Variants in KIF13B observed in about 807,000 individuals in gnomAD.
KIF13B encodes kinesin-like protein KIF13B.
In KIF13B, 127 loss-of-function variants were observed where a neutral mutation model predicts 222.0. The ratio of observed to expected loss-of-function variants is 0.57; its 90% CI spans 0.50 to 0.66. The LOEUF (loss-of-function observed/expected upper bound fraction) is 0.66, where lower values mean the gene tolerates loss of function less well. KIF13B is among the 30% of genes least tolerant of loss of function. KIF13B has a pLI of 0.00. For missense variants in KIF13B, 2,173 were observed against 2,379.0 expected (o/e 0.91, Z 1.80); for synonymous variants, 976 against 919.0 (o/e 1.06, Z -1.12).
intron 35 of KIF13B, among the ~76,000 whole-genome samples, chr8:29,105,652 T>TG (rs1563704669): frequency 1.1e-5 from 1 of 92,580 alleles, no homozygotes; most frequent in African/African-American, 3.5e-5. Flanking sequence ...TTTGTTTGGT[T>TG]TTTTTTTTTT....
At chr8:29,116,772 A>G in intron 31 of KIF13B, 59 bp downstream of exon 31, 2 of 1,501,458 alleles carry the variant, frequency 1.3e-6, no homozygotes, top group Non-Finnish European at 1.8e-6. Context: ...CAAGCACTGC[A>G]CGGCCCTACC....
intron 35 of KIF13B, among the ~76,000 whole-genome samples, chr8:29,105,142 A>AT (rs898782383): frequency 3.3e-5 from 5 of 150,410 alleles, no homozygotes; most frequent in Admixed American, 6.6e-5. Flanking sequence ...AATTTTTTAA[A>AT]TTTTTTTTTG....
At chr8:29,124,222 G>A (rs1764984096) in intron 26 of KIF13B, 99 bp from the exon 27 acceptor site, 4 of 688,358 alleles carry the variant, frequency 5.8e-6, no homozygotes, top group Non-Finnish European at 9.9e-6. Flanking sequence ...CCTTGGAAAG[G>A]TAAGGTAGTA....
Position 29,188,540 on chromosome 8 carries a change from T to C in KIF13B, c.291A>G (p.Ala97=), listed in dbSNP as rs568211147. 20 of 1,610,262 alleles carry C rather than the reference T, an allele frequency of 1.2e-5. 1 individual carries two copies. The East Asian group carries it at 3.1e-4, about 25-fold the overall frequency. The change falls in exon 5 of 40, where the codon GCA becomes GCG. Residue 97 remains alanine (A), a synonymous_variant. Transcript: ENST00000524189. ...CAGTCTGTCCATAGGCAAAGATACA[T>C]GCATTGTAGCCATCAAAAGCATTCT... ...ILQNAFDGYN[A]CIFAYGQTGS...
In KIF13B at chr8:29,094,732, C is replaced by A. The variant is rs550185019; in HGVS notation, c.4325-1854G>T. ...ATGTCTAGATACTGGATTTAACAGA[C>A]AACGACTTTAAGGCAGCTTTCTTAA... is the stretch of plus-strand genomic sequence containing the variant. On this transcript the variant is annotated intron_variant, in intron 36 of 39. Coordinates refer to ENST00000524189, the MANE Select transcript of KIF13B (RefSeq NM_015254.4). Among the ~76,000 whole-genome samples the A allele has an allele frequency of 3.3e-5, 5 of 152,194 alleles. No individual in the cohort carries two copies. The East Asian group carries it at 9.6e-4, about 29-fold the overall frequency.
chr8:29,083,001 C>T (rs1338499914), intron 37 of KIF13B, among the ~76,000 whole-genome samples: 1 of 152,086 alleles, frequency 6.6e-6, no homozygotes, highest in South Asian at 2.1e-4. Flanking sequence ...TGGCGGTGTA[C>T]ACCTGTAGTC....
At position 29,132,371 on chromosome 8, in the gene KIF13B, CG is replaced by C. The variant is rs763036714; in HGVS notation, c.2878del (p.Arg960GlyfsTer26). On this transcript the variant is annotated frameshift_variant, in exon 23 of 40. Transcript: ENST00000524189. LOFTEE classifies it high-confidence loss of function. ...EVYGHKINDPRKNPALWDLGI... is the reference protein window; with the variant it reads ...EVYGHKINDPXKNPALWDLGI... The stretch of plus-strand genomic sequence containing the variant: ...CAAATCCCACAGGGCGGGGTTTTTC[CG>C]GGGATCGTTTATTTTATGTCCATAT... The C allele has an allele frequency of 5.0e-6, 8 of 1,592,360 alleles. No homozygotes were observed. Among genetic ancestry groups the C allele is most frequent in the Non-Finnish European group, 6.0e-6 (7 of 1,168,450 alleles).
intron 10 of KIF13B, among the ~76,000 whole-genome samples, chr8:29,173,633 ACTT>A (rs889309359): frequency 2.7e-5 from 4 of 150,768 alleles, no homozygotes; most frequent in Admixed American, 1.3e-4. Context: ...AAAAAAAAAG[ACTT>A]CTTCTATTAA....
intron 6 of KIF13B, among the ~76,000 whole-genome samples, chr8:29,183,172 T>G (rs934980699): frequency 4.8e-5 from 7 of 146,470 alleles, no homozygotes; most frequent in South Asian, 2.1e-4. Context: ...AAGTTTGTTT[T>G]TTTTTTTTTT....
Position 29,071,925 on chromosome 8 carries a change from T to C in KIF13B, c.4913A>G (p.Glu1638Gly). ...GAACGGGGAGCCGGGCGCCGGGGCC[T>C]CGAGGTCGGGGCGCTCCCGACCGGG... ...VSPGRERPDL[E>G]APAPGSPFRV... The change falls in exon 39 of 40, where the codon GAG becomes GGG. Residue 1638 changes from glutamate (E) to glycine (G), a missense_variant. Physicochemically the swap from Glu to Gly is moderately conservative, Grantham distance 98. This residue lies in a region of KIF13B where 693 missense variants were observed against 656.2 expected (regional missense o/e 1.06). Coordinates refer to ENST00000524189, the MANE Select transcript of KIF13B (RefSeq NM_015254.4). This position sits in a 1 kb window ranked among gnomAD's most constrained non-coding sequence, Gnocchi z 4.9. The C allele has an allele frequency of 7.0e-7, 1 of 1,432,852 alleles. No homozygotes were observed. The highest frequency in any genetic ancestry group is 9.0e-7 in the Non-Finnish European group (1 of 1,105,090). The allele number at this position is 1,432,852 out of a possible 1,614,324, so 88.8% of individuals were successfully genotyped here.
At chr8:29,168,014 G>T (rs1351373345) in intron 10 of KIF13B, among the ~76,000 whole-genome samples, 1 of 152,156 alleles carries the variant, frequency 6.6e-6, no homozygotes, top group Non-Finnish European at 1.5e-5. Flanking sequence ...CCTGTACTGG[G>T]AGTCTCTGTG....
At chr8:29,173,693 C>T (rs554159617) in intron 10 of KIF13B, among the ~76,000 whole-genome samples, 5 of 152,016 alleles carry the variant, frequency 3.3e-5, no homozygotes, top group African/African-American at 1.2e-4. Flanking sequence ...CCTGTAATCC[C>T]GGCACTTCAG....
At chr8:29,188,753 G>A in intron 4 of KIF13B, 146 bp from the exon 5 acceptor site, 1 of 608,060 alleles carries the variant, frequency 1.6e-6, no homozygotes, top group South Asian at 2.1e-5. Context: ...TGCTCCCAAA[G>A]GCTTATGCCT....
chr8:29,171,753 TTTC>T (rs1459368747), intron 10 of KIF13B, among the ~76,000 whole-genome samples: 3 of 150,116 alleles, frequency 2.0e-5, no homozygotes, highest in Non-Finnish European at 2.9e-5. Context: ...ATAATTTTTT[TTTC>T]TTCTTTTTTT....
At chr8:29,256,086 C>T (rs1053685634) in intron 1 of KIF13B, among the ~76,000 whole-genome samples, 1 of 152,224 alleles carries the variant, frequency 6.6e-6, no homozygotes, top group Admixed American at 6.5e-5. Context: ...ACACCTAAAA[C>T]TCAATTGTGC....
chr8:29,260,788 T>C (rs1816652006), intron 1 of KIF13B, among the ~76,000 whole-genome samples: 1 of 152,138 alleles, frequency 6.6e-6, no homozygotes. Context: ...GGCTAATTTT[T>C]TGTATTTTTA....
intron 2 of KIF13B, among the ~76,000 whole-genome samples, chr8:29,220,934 A>G (rs945452927): frequency 2.0e-5 from 3 of 151,878 alleles, no homozygotes; most frequent in African/African-American, 7.3e-5. Context: ...AACACAGCAA[A>G]ACCCCATCTC....
At chr8:29,246,534 CCCAATTGAT>C (rs2130656354) in intron 1 of KIF13B, among the ~76,000 whole-genome samples, 1 of 151,992 alleles carries the variant, frequency 6.6e-6, no homozygotes, top group South Asian at 2.1e-4. Flanking sequence ...GACAATATTC[CCCAATTGAT>C]CTACAAGATT....
intron 1 of KIF13B, among the ~76,000 whole-genome samples, chr8:29,254,344 T>G (rs558955075): frequency 1.1e-4 from 16 of 151,348 alleles, no homozygotes; most frequent in Non-Finnish European, 1.8e-4. Context: ...AATTTAAAAC[T>G]TTCATGCATC....
Sources: gnomAD v4.1 joint callset for allele counts (sites outside exome capture counted in the v4.1 genomes callset) on GRCh38, gnomAD v4.1.1 for gene constraint, gnomAD v4.1.1 regional missense constraint, Gnocchi (gnomAD v3.1) non-coding constraint, MANE v1.5 for transcripts, NCBI Gene and HGNC (gene_info 2026-07-23, HGNC 2026-07-21) for gene names.